The following THSD7A variants were observed in gnomAD, a reference collection of about 807,000 sequenced individuals.
THSD7A encodes thrombospondin type 1 domain containing 7A, also known as thrombospondin type-1 domain-containing protein 7A.
Under a neutral mutation model 231.3 loss-of-function variants are expected in THSD7A, and 96 were observed. That is an observed-to-expected ratio of 0.41 (90% CI 0.35 to 0.49). The LOEUF (loss-of-function observed/expected upper bound fraction) is 0.49, where lower values mean the gene tolerates loss of function less well. Among genes scored for constraint, THSD7A ranks in the 20% least tolerant of loss-of-function variants. The pLI is 0.05. For synonymous variants in THSD7A, 940 were observed against 743.3 expected, an observed-to-expected ratio of 1.26 and a Z score of -4.30; for missense variants, 2,290 against 2,070.2, an observed-to-expected ratio of 1.11 and a Z score of -2.06.
chr7:11,490,975 G>C (rs1168166836), intron 6 of THSD7A, among the ~76,000 whole-genome samples: 3 of 152,066 alleles, frequency 2.0e-5, no homozygotes, highest in Non-Finnish European at 4.4e-5. Context: ...ATCTGTGGAG[G>C]AGTTGACCAT....
At chr7:11,418,241 C>T (rs139148166) in intron 16 of THSD7A, among the ~76,000 whole-genome samples, 1 of 152,128 alleles carries the variant, frequency 6.6e-6, no homozygotes, top group South Asian at 2.1e-4. Flanking sequence ...TAATTGGTAT[C>T]GCATAGGTTC....
intron 2 of THSD7A, among the ~76,000 whole-genome samples, chr7:11,620,949 G>C (rs530605243): frequency 6.6e-4 from 100 of 152,088 alleles, no homozygotes; most frequent in Admixed American, 1.3e-3. Context: ...TCAGCTTCAC[G>C]TGTTCCTCTG....
chr7:11,656,845 T>G (rs1782727392), intron 1 of THSD7A, among the ~76,000 whole-genome samples: 1 of 151,858 alleles, frequency 6.6e-6, no homozygotes, highest in Non-Finnish European at 1.5e-5. Flanking sequence ...TGTATGTTAT[T>G]GTAAGAAAAA....
At chr7:11,827,554 T>G (rs2128188783) in intron 1 of THSD7A, among the ~76,000 whole-genome samples, 1 of 152,316 alleles carries the variant, frequency 6.6e-6, no homozygotes, top group Admixed American at 6.5e-5. Context: ...TTTCTTAGAC[T>G]GTTTCTCTAG....
Position 11,681,271 on chromosome 7 carries a change from A to G in THSD7A, c.191-44310T>C, listed in dbSNP as rs915033008. Reference sequence around the variant, plus strand: ...ATGTAGCTGATGGGTTGATGGGTGCAGCAAACCACCATGTACATTCTAGGC... The same window carrying G: ...ATGTAGCTGATGGGTTGATGGGTGCGGCAAACCACCATGTACATTCTAGGC... On this transcript the variant is annotated intron_variant, in intron 1 of 27. Coordinates refer to ENST00000423059, the MANE Select transcript of THSD7A (RefSeq NM_015204.3). 2.0e-5 allele frequency among the ~76,000 whole-genome samples: 3 copies of G among 152,054 alleles called. No individual in the cohort carries two copies. The East Asian group carries it at 5.8e-4, about 29-fold the overall frequency.
At chr7:11,665,874 A>G (rs1783109954) in intron 1 of THSD7A, among the ~76,000 whole-genome samples, 1 of 152,156 alleles carries the variant, frequency 6.6e-6, no homozygotes, top group South Asian at 2.1e-4. Context: ...ACAAATTACA[A>G]GTTTTTAAAA....
intron 11 of THSD7A, among the ~76,000 whole-genome samples, chr7:11,455,204 C>T (rs563823115): frequency 3.9e-5 from 6 of 152,090 alleles, no homozygotes; most frequent in Non-Finnish European, 5.9e-5. Flanking sequence ...AATAGGTCTT[C>T]GTCAAGAACC....
At chr7:11,408,947 A>G (rs1783683011) in intron 19 of THSD7A, among the ~76,000 whole-genome samples, 1 of 152,216 alleles carries the variant, frequency 6.6e-6, no homozygotes, top group South Asian at 2.1e-4. Flanking sequence ...CATTTAAGGT[A>G]AATAATAGTT....
intron 1 of THSD7A, among the ~76,000 whole-genome samples, chr7:11,691,307 T>C (rs1330727470): frequency 6.6e-6 from 1 of 151,522 alleles, no homozygotes; most frequent in Non-Finnish European, 1.5e-5. Flanking sequence ...TAATAGGTAT[T>C]ACCATGCAAG....
intron 6 of THSD7A, among the ~76,000 whole-genome samples, chr7:11,489,194 A>G (rs1183328674): frequency 6.6e-6 from 1 of 152,096 alleles, no homozygotes; most frequent in Non-Finnish European, 1.5e-5. Context: ...GGATGAGGGG[A>G]AAAAGTGAAC....
chr7:11,417,965 A>G lies in THSD7A; in HGVS notation c.3384-362T>C, dbSNP rs546816660. 1.9e-3 allele frequency among the ~76,000 whole-genome samples: 296 copies of G among 152,350 alleles called. 1 individual carries two copies. Among genetic ancestry groups the G allele is most frequent in the African/African-American group, 7.0e-3 (290 of 41,582 alleles). Reference sequence around the variant, plus strand: ...GGGAGAAACTAATGAGGAACTGTCCAAAGAGCTTCGTAGAGGGCTTACAAT... The same window carrying G: ...GGGAGAAACTAATGAGGAACTGTCCGAAGAGCTTCGTAGAGGGCTTACAAT... On this transcript the variant is annotated intron_variant, in intron 16 of 27. Transcript: ENST00000423059.
In THSD7A at chr7:11,831,855, G is replaced by C; in HGVS notation, c.92C>G (p.Pro31Arg). Reference sequence around the variant, plus strand: ...CAGCAGCAGCAGGAGCAGCGGCAGCGGCAGCGGCAGCGGCAGCAGCTGCAG... The same window carrying C: ...CAGCAGCAGCAGGAGCAGCGGCAGCCGCAGCGGCAGCGGCAGCAGCTGCAG... Reference protein sequence around the residue: ...GVLQLLPLPLPLPLLLLLLLR... With the variant: ...GVLQLLPLPLRLPLLLLLLLR... Residue 31 changes from proline to arginine, a missense_variant, in exon 1 of 28, where the codon CCG becomes CGG. Coordinates refer to ENST00000423059, the MANE Select transcript of THSD7A (RefSeq NM_015204.3). The surrounding 1 kb of genome is among the most constrained non-coding windows in gnomAD (Gnocchi z 5.0). 8.0e-7 allele frequency: 1 copy of C among 1,247,960 alleles called. No homozygotes were observed. Among genetic ancestry groups the C allele is most frequent in the Non-Finnish European group, 1.0e-6 (1 of 986,302 alleles). The allele number at this position is 1,247,960 out of a possible 1,614,324, so 77.3% of individuals were successfully genotyped here. A position where few individuals can be genotyped will look rare whatever the true frequency, so the allele number is the denominator to read the frequency against.
intron 4 of THSD7A, among the ~76,000 whole-genome samples, chr7:11,560,383 T>C (rs1790026682): frequency 6.6e-6 from 1 of 152,104 alleles, no homozygotes; most frequent in South Asian, 2.1e-4. Context: ...AACAACTTCA[T>C]AGGGCAGCAC....
intron 6 of THSD7A, among the ~76,000 whole-genome samples, chr7:11,489,016 T>C (rs1478185552): frequency 2.0e-5 from 3 of 152,236 alleles, no homozygotes; most frequent in East Asian, 3.9e-4. Context: ...TCTGCTCCCA[T>C]AGCATTGCAG....
At chr7:11,628,407 A>G (rs992561761) in intron 2 of THSD7A, among the ~76,000 whole-genome samples, 1 of 152,084 alleles carries the variant, frequency 6.6e-6, no homozygotes, top group East Asian at 1.9e-4. Flanking sequence ...TTTTGTTCCC[A>G]TATTCTTTGG....
At chr7:11,805,876 G>A (rs907625103) in intron 1 of THSD7A, among the ~76,000 whole-genome samples, 4 of 151,916 alleles carry the variant, frequency 2.6e-5, no homozygotes, top group Non-Finnish European at 2.9e-5. Context: ...AATATTTCAC[G>A]TGTTTTGACT....
chr7:11,653,448 ATGTGTGTGTGTGTGTGTGTGTG>A (rs60933989), intron 1 of THSD7A, among the ~76,000 whole-genome samples: 5 of 127,046 alleles, frequency 3.9e-5, no homozygotes, highest in Non-Finnish European at 6.6e-5. Context: ...ACTCCCAGAT[ATGTGTGTGTGTGTGTGTGTGTG>A]TGTGTGTGTG....
chr7:11,794,434 T>A (rs556373256), intron 1 of THSD7A, among the ~76,000 whole-genome samples: 1 of 152,108 alleles, frequency 6.6e-6, no homozygotes, highest in African/African-American at 2.4e-5. Context: ...TCATTAGTGA[T>A]GTCTTTCAGA....
chr7:11,610,457 A>T (rs1391248334), intron 2 of THSD7A, among the ~76,000 whole-genome samples: 1 of 152,118 alleles, frequency 6.6e-6, no homozygotes, highest in African/African-American at 2.4e-5. Flanking sequence ...TGTGTAATAA[A>T]ACGAGAGAAG....
Sources: allele counts gnomAD v4.1 joint callset (sites outside exome capture counted in the v4.1 genomes callset), GRCh38; gene constraint gnomAD v4.1.1; non-coding constraint Gnocchi (gnomAD v3.1); transcripts MANE v1.5; gene names NCBI Gene and HGNC (gene_info 2026-07-23, HGNC 2026-07-21).